The following NRXN1 variants were observed in gnomAD, a reference collection of about 807,000 sequenced individuals.
NRXN1 encodes neurexin-1.
Under a neutral mutation model 150.9 loss-of-function variants are expected in NRXN1, and 39 were observed. That is an observed-to-expected ratio of 0.26 (90% CI 0.20 to 0.34). The LOEUF is 0.34. NRXN1 is among the 10% of genes least tolerant of loss of function. The pLI, the probability that NRXN1 is intolerant of heterozygous loss-of-function variation, is 1.00. For synonymous variants in NRXN1, 924 were observed against 757.0 expected (o/e 1.22, Z -3.62); for missense variants, 1,815 against 1,949.9 (o/e 0.93, Z 1.30).
chr2:50,429,802 T>G (rs1394245089), intron 17 of NRXN1, among the ~76,000 whole-genome samples: 1 of 152,068 alleles, frequency 6.6e-6, no homozygotes, highest in Non-Finnish European at 1.5e-5. Context: ...TCAATAGAAC[T>G]TCTATTGTGG....
intron 5 of NRXN1, among the ~76,000 whole-genome samples, chr2:50,826,026 T>C (rs772421730): frequency 1.3e-5 from 2 of 152,194 alleles, no homozygotes; most frequent in African/African-American, 2.4e-5. Context: ...TCATGGAAAT[T>C]ACAGTGGCTA....
chr2:50,107,814 A>T (rs545489934), intron 18 of NRXN1, among the ~76,000 whole-genome samples: 17 of 151,908 alleles, frequency 1.1e-4, no homozygotes, highest in Non-Finnish European at 8.8e-5. Flanking sequence ...CTATGTTCCC[A>T]ATTTAGTCTT....
At chr2:50,845,838 T>A (rs979690357) in intron 5 of NRXN1, among the ~76,000 whole-genome samples, 1 of 152,214 alleles carries the variant, frequency 6.6e-6, no homozygotes, top group Non-Finnish European at 1.5e-5. Context: ...TAAGGCTTTT[T>A]GAATTTTTAT....
intron 17 of NRXN1, among the ~76,000 whole-genome samples, chr2:50,281,321 A>AAAAAAAAACAAAACAAAAAAAAAAC (rs2071432474): frequency 6.0e-5 from 9 of 149,226 alleles, no homozygotes; most frequent in Admixed American, 3.4e-4. Context: ...CGTCTCAAAA[A>AAAAAAAAACAAAACAAAAAAAAAAC]CAATAATAAT....
intron 17 of NRXN1, among the ~76,000 whole-genome samples, chr2:50,389,997 A>G (rs1401715368): frequency 6.6e-6 from 1 of 152,210 alleles, no homozygotes; most frequent in Non-Finnish European, 1.5e-5. Context: ...ATTTATACCA[A>G]GTTAGGCAAT....
chr2:50,828,299 G>T (rs1390862326), intron 5 of NRXN1, among the ~76,000 whole-genome samples: 1 of 51,722 alleles, frequency 1.9e-5, no homozygotes, highest in African/African-American at 7.9e-5. Flanking sequence ...CCTCCCGGAC[G>T]GGGCGGCTGG....
rs11691777 is a variant in NRXN1, at chr2:50,129,221, C to G, written c.3547-37727G>C. ...CTAAAGCATTTTTTTTTAAGTATAACTGATGCAAAACTGGAGGAACGCAAA... is the reference window on the plus strand; with the variant it reads ...CTAAAGCATTTTTTTTTAAGTATAAGTGATGCAAAACTGGAGGAACGCAAA... On this transcript the variant is annotated intron_variant, in intron 18 of 22. Transcript: ENST00000401669. Among the ~76,000 whole-genome samples, 835 of 151,754 alleles carry G rather than the reference C, an allele frequency of 5.5e-3. 2 individuals carry two copies. The highest frequency in any genetic ancestry group is 8.7e-3 in the Non-Finnish European group (588 of 67,946).
chr2:50,847,639 C>A (rs909609383), intron 5 of NRXN1, among the ~76,000 whole-genome samples: 5 of 152,196 alleles, frequency 3.3e-5, no homozygotes, highest in African/African-American at 1.2e-4. Context: ...GGCCAACACA[C>A]AGAAGCGGCT....
intron 18 of NRXN1, among the ~76,000 whole-genome samples, chr2:50,233,342 C>T (rs7602425): frequency 0.079 from 11,945 of 152,000 alleles, 582 homozygotes; most frequent in African/African-American, 0.12. Flanking sequence ...GGCCACCTGA[C>T]TCAAAAACCA....
At chr2:50,573,928 C>A (rs1671026880) in intron 8 of NRXN1, among the ~76,000 whole-genome samples, 1 of 151,966 alleles carries the variant, frequency 6.6e-6, no homozygotes, top group Non-Finnish European at 1.5e-5. Context: ...CATAAGGGAC[C>A]TGAGTAACTA....
At chr2:50,340,071 A>G (rs2077449312) in intron 17 of NRXN1, among the ~76,000 whole-genome samples, 1 of 152,214 alleles carries the variant, frequency 6.6e-6, no homozygotes, top group African/African-American at 2.4e-5. Flanking sequence ...TATATTAATT[A>G]GGTGAACCTG....
chr2:50,545,778 T>C (rs1486759122), intron 9 of NRXN1, among the ~76,000 whole-genome samples: 1 of 152,154 alleles, frequency 6.6e-6, no homozygotes, highest in African/African-American at 2.4e-5. Context: ...CTGTGGAAAT[T>C]GGTTCCAGGA....
At chr2:50,598,547 T>C (rs1675634527) in intron 8 of NRXN1, among the ~76,000 whole-genome samples, 1 of 142,076 alleles carries the variant, frequency 7.0e-6, no homozygotes, top group Non-Finnish European at 1.5e-5. Flanking sequence ...CTCCTATATA[T>C]GTGTGTATAT....
chr2:50,056,821 A>C (rs890095143), intron 19 of NRXN1, among the ~76,000 whole-genome samples: 2 of 152,180 alleles, frequency 1.3e-5, no homozygotes, highest in Non-Finnish European at 2.9e-5. Flanking sequence ...TATTTTCAAA[A>C]ATACATACCC....
intron 2 of NRXN1, among the ~76,000 whole-genome samples, chr2:50,951,375 T>C (rs988047865): frequency 6.6e-6 from 1 of 152,214 alleles, no homozygotes; most frequent in East Asian, 1.9e-4. Context: ...CAGTACAGTA[T>C]GCTCATTGAG....
chr2:50,815,818 TAG>T (rs1254410024), intron 5 of NRXN1, among the ~76,000 whole-genome samples: 2 of 152,156 alleles, frequency 1.3e-5, no homozygotes, highest in African/African-American at 4.8e-5. Context: ...TGCATAGTCA[TAG>T]AATTTTCTAT....
At chr2:49,948,881 C>A (rs1020692301) in intron 21 of NRXN1, among the ~76,000 whole-genome samples, 2 of 151,896 alleles carry the variant, frequency 1.3e-5, no homozygotes, top group African/African-American at 4.8e-5. Context: ...ACATAACAGT[C>A]CATTTAGATG....
chr2:50,932,395 G>C (rs916784831), intron 2 of NRXN1, among the ~76,000 whole-genome samples: 5 of 151,914 alleles, frequency 3.3e-5, no homozygotes, highest in African/African-American at 1.2e-4. Context: ...CTATGTATTA[G>C]GTCAATCTCT....
At chr2:50,914,291 A>C (rs1275835916) in intron 5 of NRXN1, among the ~76,000 whole-genome samples, 1 of 151,672 alleles carries the variant, frequency 6.6e-6, no homozygotes, top group African/African-American at 2.4e-5. Context: ...GAATCAATTT[A>C]TATTTATTTT....
Sources: gnomAD v4.1 joint callset for allele counts (sites outside exome capture counted in the v4.1 genomes callset) on GRCh38, gnomAD v4.1.1 for gene constraint, MANE v1.5 for transcripts, NCBI Gene and HGNC (gene_info 2026-07-23, HGNC 2026-07-21) for gene names.